SPATA1: variants seen among roughly 807,000 people sequenced by gnomAD.
The protein encoded by SPATA1 is spermatogenesis associated 1, also known as spermatogenesis-associated protein 1.
Under a neutral mutation model 59.6 loss-of-function variants are expected in SPATA1, and 57 were observed. That is an observed-to-expected ratio of 0.96 (90% CI 0.77 to 1.19). The LOEUF is 1.19. SPATA1 is among the 50% of genes most tolerant of loss of function. SPATA1 has a pLI of 0.00. For missense variants in SPATA1, 448 were observed against 480.7 expected, an observed-to-expected ratio of 0.93 and a Z score of 0.64; for synonymous variants, 147 against 163.9, an observed-to-expected ratio of 0.90 and a Z score of 0.79.
chr1:84,531,309 CG>C (rs1411632859), intron 6 of SPATA1, among the ~76,000 whole-genome samples: 39 of 151,554 alleles, frequency 2.6e-4, no homozygotes, highest in African/African-American at 8.7e-4. Flanking sequence ...ATTACAGGCA[CG>C]TGCCACCACA....
intron 1 of SPATA1, among the ~76,000 whole-genome samples, chr1:84,508,921 C>A (rs866155408): frequency 9.9e-5 from 15 of 151,372 alleles, no homozygotes; most frequent in Middle Eastern, 3.4e-3. Flanking sequence ...GAAGAGGACA[C>A]AAAAAAAATG....
downstream of SPATA1, among the ~76,000 whole-genome samples, chr1:84,566,649 G>T (rs913431332): frequency 6.6e-6 from 1 of 151,948 alleles, no homozygotes; most frequent in East Asian, 1.9e-4. Flanking sequence ...TCTTTTTTGG[G>T]GGGGATGGAG....
At chr1:84,527,719 T>C (rs886530025) in intron 6 of SPATA1, 9 of 148,928 alleles carry the variant, frequency 6.0e-5, no homozygotes, top group Admixed American at 2.7e-4. Context: ...TCATGTATAG[T>C]GCAATGAGCA....
At chr1:84,511,403 T>G (rs1465747094) in intron 1 of SPATA1, among the ~76,000 whole-genome samples, 1 of 152,178 alleles carries the variant, frequency 6.6e-6, no homozygotes, top group East Asian at 1.9e-4. Flanking sequence ...TAAAATGTCC[T>G]TATATATCCT....
chr1:84,548,878 C>G, exon 11 of SPATA1: 1 of 1,589,310 alleles, frequency 6.3e-7, no homozygotes, highest in Non-Finnish European at 8.6e-7. Flanking sequence ...AGATTTGGAA[C>G]TCTACTATAA....
At chr1:84,511,974 G>A (rs887414350) in intron 1 of SPATA1, among the ~76,000 whole-genome samples, 2 of 152,078 alleles carry the variant, frequency 1.3e-5, no homozygotes, top group African/African-American at 2.4e-5. Flanking sequence ...GAGCCACCGC[G>A]CCTGGCCTCA....
intron 9 of SPATA1, 96 bp downstream of exon 9, chr1:84,544,400 T>C: frequency 1.1e-6 from 1 of 943,784 alleles, no homozygotes; most frequent in Non-Finnish European, 1.6e-6. Context: ...GAGTTTCAGT[T>C]TGAGAAGATA....
intron 12 of SPATA1, chr1:84,551,391 TA>T (rs1684267172): frequency 1.2e-5 from 8 of 695,176 alleles, no homozygotes; most frequent in Non-Finnish European, 1.4e-5. Context: ...AATTTAAAAA[TA>T]AAAAAATAGA....
chr1:84,520,489 C>A, intron 2 of SPATA1, 96 bp from the exon 3 acceptor site: 1 of 752,740 alleles, frequency 1.3e-6, no homozygotes, highest in Non-Finnish European at 2.0e-6. Context: ...TGTTTTTTTT[C>A]TATTGTGTTT....
In SPATA1 at chr1:84,516,209, C is replaced by T; in HGVS notation, c.-137-14C>T. The T allele has an allele frequency of 6.9e-6, 4 of 579,566 alleles. No individual in the cohort carries two copies. Among genetic ancestry groups the T allele is most frequent in the East Asian group, 3.4e-5 (1 of 29,160 alleles). 35.9% of individuals were successfully genotyped at this position (579,566 alleles called of 1,614,324 possible). ...TGCTTTTGTGTTTTCCTTTTTATTTCTTGAACAAATCAGAGACCAGAAATG... is the reference window on the plus strand; with the variant it reads ...TGCTTTTGTGTTTTCCTTTTTATTTTTTGAACAAATCAGAGACCAGAAATG... On this transcript the variant is annotated splice_polypyrimidine_tract_variant and intron_variant, in intron 1 of 12. Coordinates refer to ENST00000490879, the Ensembl canonical transcript of SPATA1.
intron 4 of SPATA1, among the ~76,000 whole-genome samples, chr1:84,522,712 T>C (rs566544066): frequency 6.6e-6 from 1 of 152,310 alleles, no homozygotes; most frequent in South Asian, 2.1e-4. Context: ...ATGGGTTTTG[T>C]GTGTGAATTT....
At chr1:84,539,107 T>C (rs1172724363) in intron 8 of SPATA1, among the ~76,000 whole-genome samples, 1 of 152,180 alleles carries the variant, frequency 6.6e-6, no homozygotes, top group Non-Finnish European at 1.5e-5. Flanking sequence ...AGCTCACTAG[T>C]GTTTTAATGT....
At chr1:84,544,369 AG>A in intron 9 of SPATA1, 65 bp downstream of exon 9, 3 of 1,254,440 alleles carry the variant, frequency 2.4e-6, no homozygotes, top group Non-Finnish European at 2.3e-6. Context: ...GTTAATGGGG[AG>A]TTACTGTTTA....
exon 13 of SPATA1, chr1:84,553,906 C>T (rs1222677162): frequency 2.0e-5 from 3 of 152,138 alleles, no homozygotes; most frequent in Non-Finnish European, 4.4e-5. Context: ...AGAAAACAGA[C>T]TTTATTACAT....
At chr1:84,507,296 C>G (rs989823934) in intron 1 of SPATA1, 6 of 152,086 alleles carry the variant, frequency 3.9e-5, no homozygotes, top group African/African-American at 9.7e-5. Context: ...TTGCACTGGT[C>G]AACAAAATCT....
At chr1:84,524,868 T>G (rs187252994) in intron 4 of SPATA1, among the ~76,000 whole-genome samples, 53 of 152,342 alleles carry the variant, frequency 3.5e-4, no homozygotes, top group Admixed American at 3.5e-3. Context: ...GTTTCCCAAG[T>G]AGAATATAAC....
At chr1:84,544,560 A>G (rs1230650589) in intron 9 of SPATA1, among the ~76,000 whole-genome samples, 1 of 150,916 alleles carries the variant, frequency 6.6e-6, no homozygotes, top group African/African-American at 2.5e-5. Context: ...TAGGAATTTT[A>G]TTTTTATTTT....
At chr1:84,544,241 T>C (rs1255770012) in exon 9 of SPATA1, 2 of 1,600,890 alleles carry the variant, frequency 1.2e-6, no homozygotes, top group Non-Finnish European at 1.7e-6. Flanking sequence ...AGATCACCCT[T>C]CACTTCCTTG....
chr1:84,511,743 G>A (rs1237455372), intron 1 of SPATA1, among the ~76,000 whole-genome samples: 2 of 142,810 alleles, frequency 1.4e-5, no homozygotes, highest in South Asian at 2.2e-4. Flanking sequence ...GTGCAATGGC[G>A]TGATCTCGGC....
Sources: allele counts gnomAD v4.1 joint callset (sites outside exome capture counted in the v4.1 genomes callset), GRCh38; gene constraint gnomAD v4.1.1; transcripts MANE v1.5; gene names NCBI Gene and HGNC (gene_info 2026-07-23, HGNC 2026-07-21).